SORCS2: variants seen among roughly 807,000 people sequenced by gnomAD.
The protein encoded by SORCS2 is VPS10 domain-containing receptor SorCS2.
In SORCS2, 100 loss-of-function variants were observed where a neutral mutation model predicts 141.6. The ratio of observed to expected loss-of-function variants is 0.71; its 90% CI spans 0.60 to 0.83. The LOEUF is 0.83. Among genes scored for constraint, SORCS2 ranks in the 40% least tolerant of loss-of-function variants. The pLI is 0.00. For synonymous variants in SORCS2, 789 were observed against 676.9 expected (o/e 1.17, Z -2.57); for missense variants, 1,646 against 1,560.2 (o/e 1.05, Z -0.93).
At chr4:7,318,608 G>A (rs185767976) in intron 1 of SORCS2, among the ~76,000 whole-genome samples, 13 of 152,290 alleles carry the variant, frequency 8.5e-5, no homozygotes, top group Admixed American at 5.9e-4. Flanking sequence ...AAGATTAAAC[G>A]AGCTAAGCCA....
At chr4:7,412,351 G>T (rs755263949) in intron 2 of SORCS2, among the ~76,000 whole-genome samples, 4 of 152,176 alleles carry the variant, frequency 2.6e-5, no homozygotes, top group Non-Finnish European at 4.4e-5. Flanking sequence ...AGTGAGGCTG[G>T]CAGCTTCTGC....
Position 7,192,948 on chromosome 4 carries a change from C to A in SORCS2, c.302C>A (p.Ala101Asp). The A allele has an allele frequency of 1.5e-6, 2 of 1,331,406 alleles. No individual in the cohort carries two copies. The highest frequency in any genetic ancestry group is 1.9e-6 in the Non-Finnish European group (2 of 1,049,268). The allele number at this position is 1,331,406 out of a possible 1,614,324, so 82.5% of individuals were successfully genotyped here. A position where few individuals can be genotyped will look rare whatever the true frequency, so the allele number is the denominator to read the frequency against. The change falls in exon 1 of 27, where the codon GCT becomes GAT. Residue 101 changes from alanine to aspartate, a missense_variant. Physicochemically the swap from Ala to Asp is moderately radical, Grantham distance 126 (BLOSUM62 -2). Coordinates refer to ENST00000507866, the MANE Select transcript of SORCS2 (RefSeq NM_020777.3). This position sits in a 1 kb window ranked among gnomAD's most constrained non-coding sequence, Gnocchi z 4.0. Reference sequence around the variant, plus strand: ...GCCCCGGGTCCGAGTCCCGGTCCCGCTCCTGGTCCCGGCGAGGACGGCGCC... The same window carrying A: ...GCCCCGGGTCCGAGTCCCGGTCCCGATCCTGGTCCCGGCGAGGACGGCGCC... The part of the protein sequence containing the change: ...PGAPGPSPGP[A>D]PGPGEDGAPA...
rs141713352 is a variant in SORCS2, at chr4:7,518,497, G to C, written c.549-13033G>C. On this transcript the variant is annotated intron_variant, in intron 2 of 26. Transcript: ENST00000507866. The stretch of plus-strand genomic sequence containing the variant: ...TGTCTCGTGGGGACTGCAGAGTCCA[G>C]CTAATTCCATTGTGTTGTTCTTTGC... Among the ~76,000 whole-genome samples, 426 of 152,332 alleles carry C rather than the reference G, an allele frequency of 2.8e-3. 2 individuals carry two copies. The highest frequency in any genetic ancestry group is 9.6e-3 in the African/African-American group (401 of 41,572).
chr4:7,631,360 A>T (rs57375452), intron 3 of SORCS2, among the ~76,000 whole-genome samples: 6 of 150,146 alleles, frequency 4.0e-5, no homozygotes, highest in African/African-American at 1.5e-4. Context: ...AAGGGCATCC[A>T]GGCCTCGGCT....
intron 2 of SORCS2, among the ~76,000 whole-genome samples, chr4:7,511,279 G>C (rs1231735297): frequency 6.6e-6 from 1 of 151,476 alleles, no homozygotes; most frequent in East Asian, 1.9e-4. Context: ...GGTCTGTGCA[G>C]AGAGAGAGAG....
intron 2 of SORCS2, among the ~76,000 whole-genome samples, chr4:7,421,534 G>T (rs910673775): frequency 6.6e-6 from 1 of 152,210 alleles, no homozygotes; most frequent in Non-Finnish European, 1.5e-5. Context: ...GGGAATACTC[G>T]TCATCGTCGT....
Position 7,703,895 on chromosome 4 carries a change from C to T in SORCS2, c.1761-282C>T, listed in dbSNP as rs114507595. On this transcript the variant is annotated intron_variant, in intron 13 of 26. Transcript: ENST00000507866. Reference sequence around the variant, plus strand: ...ACCGGCCCTACCACGGGCCTGGCAACGCCTAGGCCAAGCTCAGGCCATGGG... The same window carrying T: ...ACCGGCCCTACCACGGGCCTGGCAATGCCTAGGCCAAGCTCAGGCCATGGG... Among the ~76,000 whole-genome samples the T allele has an allele frequency of 4.9e-3, 741 of 152,340 alleles. 10 individuals are homozygous for T. Among genetic ancestry groups the T allele is most frequent in the African/African-American group, 0.017 (705 of 41,578 alleles).
chr4:7,557,540 A>T (rs903686104), intron 3 of SORCS2, among the ~76,000 whole-genome samples: 2 of 152,226 alleles, frequency 1.3e-5, no homozygotes, highest in Admixed American at 6.5e-5. Context: ...ATAACCAACT[A>T]TGGAGACTGA....
intron 1 of SORCS2, among the ~76,000 whole-genome samples, chr4:7,374,010 T>A (rs1252957680): frequency 6.6e-6 from 1 of 152,196 alleles, no homozygotes; most frequent in Non-Finnish European, 1.5e-5. Context: ...TTCTTCCCCC[T>A]TGTTTTCTTC....
intron 3 of SORCS2, among the ~76,000 whole-genome samples, chr4:7,543,623 T>TCCATCCAC (rs1712899521): frequency 7.8e-6 from 1 of 128,330 alleles, no homozygotes; most frequent in Non-Finnish European, 1.7e-5. Context: ...CATCCACCCA[T>TCCATCCAC]CCATCCACCC....
intron 1 of SORCS2, among the ~76,000 whole-genome samples, chr4:7,394,631 G>A (rs146610459): frequency 1.5e-4 from 23 of 152,172 alleles, no homozygotes; most frequent in African/African-American, 5.1e-4. Flanking sequence ...CTCGAGGGAG[G>A]GGGAGGAGGA....
intron 2 of SORCS2, among the ~76,000 whole-genome samples, chr4:7,438,717 GT>G (rs972777796): frequency 6.8e-6 from 1 of 146,334 alleles, no homozygotes; most frequent in Non-Finnish European, 1.5e-5. Context: ...TTTTACTTAT[GT>G]TTTTTTAAAA....
chr4:7,443,344 G>A (rs1029038505), intron 2 of SORCS2, among the ~76,000 whole-genome samples: 1 of 152,128 alleles, frequency 6.6e-6, no homozygotes, highest in Non-Finnish European at 1.5e-5. Context: ...AGCATCTTAG[G>A]GCGGGCACCC....
At chr4:7,491,857 G>T (rs947395703) in intron 2 of SORCS2, among the ~76,000 whole-genome samples, 3 of 152,222 alleles carry the variant, frequency 2.0e-5, no homozygotes, top group Non-Finnish European at 2.9e-5. Flanking sequence ...AGATGCCACA[G>T]TGGCTGTCCA....
intron 2 of SORCS2, among the ~76,000 whole-genome samples, chr4:7,520,379 G>A (rs1390011412): frequency 6.6e-6 from 1 of 152,210 alleles, no homozygotes; most frequent in South Asian, 2.1e-4. Flanking sequence ...GTGTGTGCTG[G>A]TTTTCCGTGG....
At chr4:7,397,905 C>T (rs890319663) in intron 2 of SORCS2, among the ~76,000 whole-genome samples, 1 of 152,136 alleles carries the variant, frequency 6.6e-6, no homozygotes, top group African/African-American at 2.4e-5. Context: ...TGCCCCAACT[C>T]CAGTATGTCT....
intron 1 of SORCS2, among the ~76,000 whole-genome samples, chr4:7,309,023 C>T (rs765764107): frequency 6.6e-6 from 1 of 152,220 alleles, no homozygotes; most frequent in Non-Finnish European, 1.5e-5. Flanking sequence ...GCAGAATTCT[C>T]TCTCCTCTGC....
chr4:7,373,478 A>ATATTTT (rs1470691140), intron 1 of SORCS2, among the ~76,000 whole-genome samples: 18 of 36,818 alleles, frequency 4.9e-4, no homozygotes, highest in South Asian at 1.3e-3. Context: ...ATATATATAT[A>ATATTTT]TTTTTTTTTT....
chr4:7,265,445 T>C (rs554116204), intron 1 of SORCS2, among the ~76,000 whole-genome samples: 2 of 152,092 alleles, frequency 1.3e-5, no homozygotes, highest in Non-Finnish European at 2.9e-5. Context: ...GAGCCGAGAT[T>C]GCACCACTGC....
Sources: gnomAD v4.1 joint callset for allele counts (sites outside exome capture counted in the v4.1 genomes callset) on GRCh38, gnomAD v4.1.1 for gene constraint, Gnocchi (gnomAD v3.1) non-coding constraint, MANE v1.5 for transcripts, NCBI Gene and HGNC (gene_info 2026-07-23, HGNC 2026-07-21) for gene names.